CHODL: variants seen among roughly 807,000 people sequenced by gnomAD.
The protein encoded by CHODL is transmembrane protein MT75.
Under a neutral mutation model 34.5 loss-of-function variants are expected in CHODL, and 29 were observed. That is an observed-to-expected ratio of 0.84 (90% CI 0.63 to 1.15). The LOEUF is 1.15. Ranked by LOEUF, CHODL falls within the 50% of genes most tolerant of loss-of-function variation. The probability of loss-of-function intolerance (pLI) is 0.00; values close to 1 mark genes in which losing one functional copy is unlikely to be tolerated. For synonymous variants in CHODL, 125 were observed against 116.1 expected (o/e 1.08, Z -0.49); for missense variants, 332 against 332.5 (o/e 1.00, Z 0.01).
intron 2 of CHODL, among the ~76,000 whole-genome samples, chr21:18,144,186 A>C (rs2072837042): frequency 6.6e-6 from 1 of 152,124 alleles, no homozygotes; most frequent in East Asian, 1.9e-4. Flanking sequence ...TTCTGGGGTC[A>C]TTTATTGTAA....
At chr21:17,923,275 CTT>C (rs111658435) in intron 1 of CHODL, among the ~76,000 whole-genome samples, 2 of 146,472 alleles carry the variant, frequency 1.4e-5, no homozygotes, top group African/African-American at 2.5e-5. Flanking sequence ...TTTTCTGCCT[CTT>C]TTTTTTTTTC....
chr21:18,200,877 T>C (rs926696887), intron 2 of CHODL, among the ~76,000 whole-genome samples: 2 of 152,098 alleles, frequency 1.3e-5, no homozygotes, highest in Non-Finnish European at 2.9e-5. Context: ...ATTGGAGTGA[T>C]GCAGATACAA....
chr21:17,999,658 A>C (rs571908608), intron 1 of CHODL, among the ~76,000 whole-genome samples: 82 of 152,344 alleles, frequency 5.4e-4, no homozygotes, highest in African/African-American at 1.8e-3. Flanking sequence ...AAAAGCCATC[A>C]GATCTCATGA....
intron 1 of CHODL, among the ~76,000 whole-genome samples, chr21:17,988,748 A>T (rs961953086): frequency 6.6e-6 from 1 of 151,306 alleles, no homozygotes; most frequent in Non-Finnish European, 1.5e-5. Flanking sequence ...TTGTGGCTGC[A>T]TAGTATTCCA....
chr21:18,082,023 T>G (rs2064948427), intron 2 of CHODL, among the ~76,000 whole-genome samples: 1 of 152,238 alleles, frequency 6.6e-6, no homozygotes, highest in East Asian at 1.9e-4. Flanking sequence ...CCTGGTGATA[T>G]GTTTTGACTC....
chr21:18,234,694 G>A (rs909692659), intron 2 of CHODL, among the ~76,000 whole-genome samples: 18 of 152,046 alleles, frequency 1.2e-4, no homozygotes, highest in African/African-American at 4.3e-4. Context: ...ACATGTCACT[G>A]GAACATAAGA....
At chr21:18,049,799 T>A (rs1350120849) in intron 2 of CHODL, among the ~76,000 whole-genome samples, 1 of 152,016 alleles carries the variant, frequency 6.6e-6, no homozygotes, top group East Asian at 1.9e-4. Flanking sequence ...ATTAAAGACC[T>A]TTTCTTCAAA....
chr21:18,098,298 G>A (rs1442923269), intron 2 of CHODL, among the ~76,000 whole-genome samples: 1 of 151,826 alleles, frequency 6.6e-6, no homozygotes, highest in East Asian at 1.9e-4. Flanking sequence ...AGAAATATTT[G>A]CAGACTACCC....
At chr21:18,180,370 C>G (rs770290117) in intron 2 of CHODL, among the ~76,000 whole-genome samples, 1 of 152,110 alleles carries the variant, frequency 6.6e-6, no homozygotes, top group Non-Finnish European at 1.5e-5. Context: ...GACTCAAACA[C>G]GTGGGCTCAA....
At chr21:17,972,171 G>A (rs765680932) in intron 1 of CHODL, among the ~76,000 whole-genome samples, 3 of 152,074 alleles carry the variant, frequency 2.0e-5, no homozygotes, top group Non-Finnish European at 2.9e-5. Context: ...AGCTATTTAT[G>A]ACAAACCCAT....
intron 1 of CHODL, among the ~76,000 whole-genome samples, chr21:17,985,799 T>C (rs2063749106): frequency 6.6e-6 from 1 of 152,212 alleles, no homozygotes; most frequent in Admixed American, 6.5e-5. Flanking sequence ...CTGGCTGCTA[T>C]AACAAATGAC....
intron 2 of CHODL, among the ~76,000 whole-genome samples, chr21:18,179,975 T>C (rs990270559): frequency 1.3e-5 from 2 of 152,174 alleles, no homozygotes; most frequent in South Asian, 2.1e-4. Context: ...AGTGATACCA[T>C]AGCTCTGCTA....
intron 2 of CHODL, among the ~76,000 whole-genome samples, chr21:18,065,448 G>A (rs1485457516): frequency 6.6e-6 from 1 of 152,150 alleles, no homozygotes; most frequent in Admixed American, 6.6e-5. Flanking sequence ...GTTCACGCAA[G>A]GAGTTTTGAG....
At chr21:18,051,749 C>G (rs2064519399) in intron 2 of CHODL, among the ~76,000 whole-genome samples, 1 of 151,856 alleles carries the variant, frequency 6.6e-6, no homozygotes, top group African/African-American at 2.4e-5. Context: ...TTAACTACTT[C>G]TTAAATATTT....
intron 2 of CHODL, among the ~76,000 whole-genome samples, chr21:18,195,476 G>A (rs550521958): frequency 1.8e-4 from 27 of 152,048 alleles, no homozygotes; most frequent in South Asian, 8.3e-4. Flanking sequence ...ACCATCACCC[G>A]CAGTCCTCAG....
Position 18,078,892 on chromosome 21 carries a change from C to T in CHODL, c.-45+50921C>T, listed in dbSNP as rs1007763388. Among the ~76,000 whole-genome samples the T allele has an allele frequency of 2.6e-5, 4 of 152,284 alleles. No homozygotes were observed. In the East Asian group the frequency reaches 7.7e-4, roughly 29 times the overall value. ...TGTAGGTAACTTGTCTAAGGTCCTA[C>T]AGCTAACATGAATCAGACACAAGAT... is the stretch of plus-strand genomic sequence containing the variant. On this transcript the variant is annotated intron_variant, in intron 2 of 6. Coordinates refer to the CHODL transcript ENST00000400127.
intron 1 of CHODL, among the ~76,000 whole-genome samples, chr21:18,254,713 CGTCT>C (rs1229098355): frequency 6.7e-6 from 1 of 148,842 alleles, no homozygotes; most frequent in Admixed American, 6.7e-5. Context: ...ATCTGTTTAT[CGTCT>C]GTCTATCTAT....
intron 2 of CHODL, among the ~76,000 whole-genome samples, chr21:18,088,921 G>A (rs1166135213): frequency 3.3e-5 from 5 of 152,162 alleles, no homozygotes; most frequent in Non-Finnish European, 1.5e-5. Context: ...CCTGTTCTCA[G>A]TAAGGTCTCG....
intron 2 of CHODL, among the ~76,000 whole-genome samples, chr21:18,141,398 C>A (rs951701000): frequency 1.3e-5 from 2 of 151,956 alleles, no homozygotes; most frequent in Non-Finnish European, 2.9e-5. Context: ...ATGTGCCACT[C>A]CACACACTGG....
Sources: allele counts gnomAD v4.1 joint callset (sites outside exome capture counted in the v4.1 genomes callset), GRCh38; gene constraint gnomAD v4.1.1; transcripts MANE v1.5; gene names NCBI Gene and HGNC (gene_info 2026-07-23, HGNC 2026-07-21).